The following ZNF341 variants were observed in gnomAD, a reference collection of about 807,000 sequenced individuals.
ZNF341 encodes the protein zinc finger protein 341.
A neutral mutation model predicts 87.7 loss-of-function variants in ZNF341; 52 were observed. The ratio of observed to expected loss-of-function variants is 0.59; its 90% CI spans 0.47 to 0.75. ZNF341 has a LOEUF of 0.75. Among genes scored for constraint, ZNF341 ranks in the 30% least tolerant of loss-of-function variants. The probability of loss-of-function intolerance (pLI) is 0.00; values close to 1 mark genes in which losing one functional copy is unlikely to be tolerated. For synonymous variants in ZNF341, 459 were observed against 472.7 expected (o/e 0.97, Z 0.38); for missense variants, 977 against 1,145.9 (o/e 0.85, Z 2.13).
Position 33,745,545 on chromosome 20 carries a change from A to C in ZNF341, c.339+246A>C, listed in dbSNP as rs578034540. 1.6e-4 allele frequency among the ~76,000 whole-genome samples: 24 copies of C among 152,294 alleles called. No individual in the cohort carries two copies. The South Asian group carries it at 4.8e-3, about 30-fold the overall frequency. ...TCGTGCTTGGGGAAGAGCTCTGTGA[A>C]GAGGTGACCAGGAAGAATACTATAT... On this transcript the variant is annotated intron_variant, in intron 3 of 14. Transcript: ENST00000375200.
intron 10 of ZNF341, 33 bp downstream of exon 10, chr20:33,770,325 G>A (rs2019504531): frequency 1.7e-6 from 2 of 1,155,584 alleles, no homozygotes; most frequent in Admixed American, 1.8e-5. Context: ...TCCCTGGGTG[G>A]ACGGGTGGGT....
Position 33,732,338 on chromosome 20 carries a change from C to G in ZNF341, c.31+286C>G, listed in dbSNP as rs1368436447. On this transcript the variant is annotated intron_variant, in intron 1 of 14. Coordinates refer to ENST00000375200, the MANE Select transcript of ZNF341 (RefSeq NM_001282933.2). This position sits in a 1 kb window ranked among gnomAD's most constrained non-coding sequence, Gnocchi z 4.5. ...GCCTTGGGCGGGCGCGGGAGGGGCT[C>G]CCTGCAGGGAACTGCGCGGGAGGCG... Among the ~76,000 whole-genome samples the G allele has an allele frequency of 1.3e-5, 2 of 150,596 alleles. No homozygotes were observed. The highest frequency in any genetic ancestry group is 3.0e-5 in the Non-Finnish European group (2 of 67,510).
chr20:33,764,315 C>T lies in ZNF341; in HGVS notation c.1222+2260C>T, dbSNP rs915702531. On this transcript the variant is annotated intron_variant, in intron 8 of 14. Coordinates refer to ENST00000375200, the MANE Select transcript of ZNF341 (RefSeq NM_001282933.2). ...GTGCTGGGATTACAGGCGTGAGCCA[C>T]TGCGCCTGGCCCCCATCTCTATTTA... 1.3e-4 allele frequency among the ~76,000 whole-genome samples: 19 copies of T among 150,946 alleles called. 1 individual carries two copies. Among genetic ancestry groups the T allele is most frequent in the Non-Finnish European group, 2.9e-5 (2 of 67,830 alleles).
intron 10 of ZNF341, among the ~76,000 whole-genome samples, chr20:33,778,031 G>A (rs1012695277): frequency 6.6e-6 from 1 of 152,230 alleles, no homozygotes; most frequent in African/African-American, 2.4e-5. Context: ...CAGGAGGCAT[G>A]TGATGTTGAT....
intron 1 of ZNF341, among the ~76,000 whole-genome samples, chr20:33,733,187 T>C (rs1470002704): frequency 1.3e-5 from 2 of 149,328 alleles, no homozygotes; most frequent in Non-Finnish European, 3.0e-5. Flanking sequence ...GCTGGGACTA[T>C]AGGCGTGCAC....
chr20:33,773,607 A>G (rs1473506207), intron 10 of ZNF341, among the ~76,000 whole-genome samples: 1 of 152,178 alleles, frequency 6.6e-6, no homozygotes, highest in East Asian at 1.9e-4. Context: ...TGCCTGCCCT[A>G]CTGGATTATT....
chr20:33,778,466 A>G (rs1326557835), intron 10 of ZNF341, among the ~76,000 whole-genome samples: 1 of 151,976 alleles, frequency 6.6e-6, no homozygotes, highest in Non-Finnish European at 1.5e-5. Context: ...GTGAGCCACC[A>G]CACCTGGCTA....
Position 33,791,214 on chromosome 20 carries a change from C to T in ZNF341, c.2262C>T (p.Arg754=). The change falls in exon 15 of 15, where the codon CGC becomes CGT. Residue 754 remains arginine, a synonymous_variant. Transcript: ENST00000375200. The part of the protein sequence containing the change: ...RRPPQRRAAP[R]SCGSGGRKVL... Reference sequence around the variant, plus strand: ...CCCCCCAGAGGAGGGCAGCCCCCCGCAGTTGCGGCAGTGGTGGGCGCAAGG... The same window carrying T: ...CCCCCCAGAGGAGGGCAGCCCCCCGTAGTTGCGGCAGTGGTGGGCGCAAGG... 6.2e-7 allele frequency: 1 copy of T among 1,612,300 alleles called. No individual in the cohort carries two copies. The highest frequency in any genetic ancestry group is 8.5e-7 in the Non-Finnish European group (1 of 1,179,550).
In ZNF341 at chr20:33,757,184, A is replaced by G. The variant is rs2019193262; in HGVS notation, c.778A>G (p.Thr260Ala). ...NQCVEPPVYP[T>A]PTVYSPGKQG... The stretch of plus-strand genomic sequence containing the variant: ...GTGTGTGGAGCCTCCAGTATATCCC[A>G]CCCCCACAGTGTACAGCCCTGGCAA... The change falls in exon 6 of 15, where the codon ACC becomes GCC. Residue 260 changes from threonine (T) to alanine (A), a missense_variant. Physicochemically the swap from Thr to Ala is moderately conservative, Grantham distance 58. This residue lies in a region of ZNF341 where 515 missense variants were observed against 598.2 expected (regional missense o/e 0.86). Transcript: ENST00000375200. 2 of 1,509,962 alleles carry G rather than the reference A, an allele frequency of 1.3e-6. No individual in the cohort carries two copies. The highest frequency in any genetic ancestry group is 2.9e-5 in the African/African-American group (2 of 69,914). 93.5% of individuals were successfully genotyped at this position (1,509,962 alleles called of 1,614,324 possible).
chr20:33,751,643 G>A (rs555695815), intron 4 of ZNF341, among the ~76,000 whole-genome samples: 5 of 152,060 alleles, frequency 3.3e-5, no homozygotes, highest in East Asian at 3.9e-4. Context: ...GTGCAATTTC[G>A]GCTCACTGCA....
intron 10 of ZNF341, among the ~76,000 whole-genome samples, chr20:33,777,661 AATCAGGAAGTTAAT>A: frequency 1.3e-5 from 2 of 152,112 alleles, no homozygotes; most frequent in East Asian, 3.9e-4. Flanking sequence ...AAGAAAAAGA[AATCAGGAAGTTAAT>A]ATCAGTACAA....
chr20:33,749,811 G>A (rs1394919991), intron 4 of ZNF341, among the ~76,000 whole-genome samples: 1 of 151,012 alleles, frequency 6.6e-6, no homozygotes, highest in African/African-American at 2.4e-5. Context: ...GAAGTGCAGT[G>A]GTGCGATCTT....
chr20:33,752,940 G>A (rs2019093030), intron 4 of ZNF341, among the ~76,000 whole-genome samples: 3 of 152,102 alleles, frequency 2.0e-5, no homozygotes, highest in African/African-American at 4.8e-5. Flanking sequence ...GAGCCACTGC[G>A]CCCGGCCATT....
At chr20:33,740,734 C>T (rs2018780786) in intron 1 of ZNF341, among the ~76,000 whole-genome samples, 168 bp from the exon 2 acceptor site, 1 of 152,114 alleles carries the variant, frequency 6.6e-6, no homozygotes, top group South Asian at 2.1e-4. Flanking sequence ...GTCTTAAACT[C>T]CTGGGCTCAA....
intron 5 of ZNF341, among the ~76,000 whole-genome samples, chr20:33,753,644 A>T (rs887174800): frequency 3.3e-5 from 5 of 152,188 alleles, no homozygotes; most frequent in Non-Finnish European, 5.9e-5. Flanking sequence ...GAGAAGGTGG[A>T]ATGGAGTACA....
chr20:33,758,896 C>A, intron 7 of ZNF341, 90 bp downstream of exon 7: 1 of 1,162,612 alleles, frequency 8.6e-7, no homozygotes, highest in Non-Finnish European at 1.3e-6. Flanking sequence ...CAGCCCCTAG[C>A]CTGTGGGGTG....
At chr20:33,748,889 C>G in intron 3 of ZNF341, 34 bp from the exon 4 acceptor site, 1 of 1,586,526 alleles carries the variant, frequency 6.3e-7, no homozygotes, top group Non-Finnish European at 8.6e-7. Flanking sequence ...CTGTCTCTCT[C>G]CGTCTCACTC....
intron 1 of ZNF341, among the ~76,000 whole-genome samples, chr20:33,733,016 T>C (rs1017786427): frequency 6.6e-6 from 1 of 152,172 alleles, no homozygotes; most frequent in Non-Finnish European, 1.5e-5. Context: ...CTTTGAGTCC[T>C]GCAGCTTCCT....
At chr20:33,741,333 G>T (rs1303210089) in intron 2 of ZNF341, among the ~76,000 whole-genome samples, 1 of 152,048 alleles carries the variant, frequency 6.6e-6, no homozygotes, top group African/African-American at 2.4e-5. Context: ...TCCCTTCTGT[G>T]GAAAGAATAG....
Sources: gnomAD v4.1 joint callset for allele counts (sites outside exome capture counted in the v4.1 genomes callset) on GRCh38, gnomAD v4.1.1 for gene constraint, gnomAD v4.1.1 regional missense constraint, Gnocchi (gnomAD v3.1) non-coding constraint, MANE v1.5 for transcripts, NCBI Gene and HGNC (gene_info 2026-07-23, HGNC 2026-07-21) for gene names.